Variants in TTC38 observed in about 807,000 individuals in gnomAD.
The protein encoded by TTC38 is tetratricopeptide repeat domain 38.
TTC38 carries 64 observed loss-of-function variants against 64.2 expected under a neutral mutation model. That is an observed-to-expected ratio of 1.00 (90% confidence interval 0.81 to 1.23). The LOEUF is 1.23. Among genes scored for constraint, TTC38 ranks in the 50% most tolerant of loss-of-function variants. The pLI is 0.00. For missense variants in TTC38, 573 were observed against 615.5 expected, an observed-to-expected ratio of 0.93 and a Z score of 0.73; for synonymous variants, 254 against 249.3, an observed-to-expected ratio of 1.02 and a Z score of -0.18.
chr22:46,277,681 G>A (rs1169260928), intron 5 of TTC38, among the ~76,000 whole-genome samples: 1 of 152,122 alleles, frequency 6.6e-6, no homozygotes, highest in Admixed American at 6.5e-5. Flanking sequence ...AGCCCATCCT[G>A]GGCTGGGCCT....
In TTC38 at chr22:46,293,842, A is replaced by T. The variant is rs2077634590; in HGVS notation, c.*958A>T. 6.6e-6 allele frequency: 1 copy of T among 152,222 alleles called. No individual in the cohort carries two copies. Among genetic ancestry groups the T allele is most frequent in the Non-Finnish European group, 1.5e-5 (1 of 68,052 alleles). 9.4% of individuals were successfully genotyped at this position (152,222 alleles called of 1,614,324 possible). A position where few individuals can be genotyped will look rare whatever the true frequency, so the allele number is the denominator to read the frequency against. On this transcript the variant is annotated 3_prime_UTR_variant, in exon 14 of 14. Transcript: ENST00000381031. This position sits in a 1 kb window ranked among gnomAD's most constrained non-coding sequence, Gnocchi z 6.6. ...TGTGAGGGGCGGTCCCAGTGCACAG[A>T]TGTTTTTCAAGTTCCTCAGTTTGTA...
chr22:46,284,152 C>T, intron 8 of TTC38, 120 bp downstream of exon 8: 2 of 827,206 alleles, frequency 2.4e-6, no homozygotes, highest in Non-Finnish European at 3.9e-6. Flanking sequence ...GGAGCATTAA[C>T]ATTTCCAAAG....
At position 46,276,759 on chromosome 22, in the gene TTC38, A is replaced by AAAAATATATATTT. The variant is rs992763420; in HGVS notation, c.539+1350_539+1351insTAAAATATATATT. Among the ~76,000 whole-genome samples the AAAAATATATATTT allele has an allele frequency of 6.9e-6, 1 of 145,168 alleles. No homozygotes were observed. Among genetic ancestry groups the AAAAATATATATTT allele is most frequent in the African/African-American group, 2.5e-5 (1 of 39,682 alleles). On this transcript the variant is annotated intron_variant, in intron 5 of 13. Transcript: ENST00000381031. This position sits in a 1 kb window ranked among gnomAD's most constrained non-coding sequence, Gnocchi z 4.7. Reference sequence around the variant, plus strand: ...AAAATATATATAAAATACATATATTAAAAATATATATTAAATATATATTAA... The same window carrying AAAAATATATATTT: ...AAAATATATATAAAATACATATATTAAAAATATATATTTAAAATATATATTAAATATATATTAA...
chr22:46,272,543 G>T lies in TTC38; in HGVS notation c.193+127G>T, dbSNP rs1242111150. 1.4e-5 allele frequency: 10 copies of T among 704,840 alleles called. No homozygotes were observed. The highest frequency in any genetic ancestry group is 2.0e-5 in the Non-Finnish European group (8 of 403,342). The allele number at this position is 704,840 out of a possible 1,614,324, so 43.7% of individuals were successfully genotyped here. On this transcript the variant is annotated intron_variant, in intron 3 of 13. Transcript: ENST00000381031. This position sits in a 1 kb window ranked among gnomAD's most constrained non-coding sequence, Gnocchi z 6.4. The stretch of plus-strand genomic sequence containing the variant: ...GGTGGCAGCAACCAGGGTGGCATTT[G>T]CACAGAGGGAGAGAAGATGACAGCT...
intron 11 of TTC38, 29 bp from the exon 12 acceptor site, chr22:46,289,373 C>A: frequency 6.3e-7 from 1 of 1,599,832 alleles, no homozygotes; most frequent in Non-Finnish European, 8.5e-7. Context: ...GATGGGCAGG[C>A]AGCTGAGGGC....
intron 10 of TTC38, among the ~76,000 whole-genome samples, chr22:46,287,592 G>A (rs1339674969): frequency 6.6e-6 from 1 of 152,240 alleles, no homozygotes; most frequent in Non-Finnish European, 1.5e-5. Flanking sequence ...CAGGTAGCCT[G>A]GAGGGACCAA....
chr22:46,268,741 G>A (rs9627360), intron 2 of TTC38, 150 bp downstream of exon 2: 47,366 of 727,430 alleles, frequency 0.065, 5,277 homozygotes, highest in African/African-American at 0.4. Flanking sequence ...CTGGAGTGCA[G>A]TGGCGCTATT....
At position 46,281,480 on chromosome 22, in the gene TTC38, C is replaced by A. The variant is rs989235037; in HGVS notation, c.616-119C>A. The A allele has an allele frequency of 8.0e-6, 9 of 1,120,562 alleles. No individual in the cohort carries two copies. In the South Asian group the frequency reaches 8.4e-5, roughly 10 times the overall value. 69.4% of individuals were successfully genotyped at this position (1,120,562 alleles called of 1,614,324 possible). Reference sequence around the variant, plus strand: ...GTTTTGAGTCAGAGCCCCGCCCCCCCACTTGCTCCACCCCGTTCAGCCCAG... The same window carrying A: ...GTTTTGAGTCAGAGCCCCGCCCCCCAACTTGCTCCACCCCGTTCAGCCCAG... On this transcript the variant is annotated intron_variant, in intron 6 of 13. Transcript: ENST00000381031. This position sits in a 1 kb window ranked among gnomAD's most constrained non-coding sequence, Gnocchi z 5.2.
rs767278372 is a variant in TTC38 at position 46,268,014 on chromosome 22, C to A, written c.-26C>A. ...CAGGAAGGCCCGGGTGCCCAGAGCT[C>A]GCGGTGGACTCCGACCCGGCGCAAC... is the stretch of plus-strand genomic sequence containing the variant. On this transcript the variant is annotated 5_prime_UTR_variant, in exon 1 of 14. Coordinates refer to ENST00000381031, the MANE Select transcript of TTC38 (RefSeq NM_017931.4). 5.9e-6 allele frequency: 9 copies of A among 1,528,908 alleles called. No individual in the cohort carries two copies. The East Asian group carries it at 2.0e-4, about 34-fold the overall frequency. The allele number at this position is 1,528,908 out of a possible 1,614,324, so 94.7% of individuals were successfully genotyped here. A position where few individuals can be genotyped will look rare whatever the true frequency, so the allele number is the denominator to read the frequency against.
In TTC38 at chr22:46,276,811, A is replaced by ATATATATTAAAT. The variant is rs1413363980; in HGVS notation, c.539+1390_539+1391insTATATATTAAAT. ...ATATATATTAAAAATTATATATTAA[A>ATATATATTAAAT]ATATATATATTAAATATATATATAT... is the stretch of plus-strand genomic sequence containing the variant. On this transcript the variant is annotated intron_variant, in intron 5 of 13. Coordinates refer to ENST00000381031, the MANE Select transcript of TTC38 (RefSeq NM_017931.4). The surrounding 1 kb of genome is among the most constrained non-coding windows in gnomAD (Gnocchi z 4.7). Among the ~76,000 whole-genome samples the ATATATATTAAAT allele has an allele frequency of 2.2e-5, 3 of 138,182 alleles. No individual in the cohort carries two copies. The highest frequency in any genetic ancestry group is 7.2e-5 in the Admixed American group (1 of 13,958). 90.7% of individuals were successfully genotyped at this position (138,182 alleles called of 152,430 possible). A position where few individuals can be genotyped will look rare whatever the true frequency, so the allele number is the denominator to read the frequency against.
Position 46,274,826 on chromosome 22 carries a change from A to G in TTC38, c.366-422A>G, listed in dbSNP as rs1196798030. ...GATTCACAACCTAACATAGAAAGTG[A>G]TTTTTTTACATTTATTTATTTAGAG... is the stretch of plus-strand genomic sequence containing the variant. On this transcript the variant is annotated intron_variant, in intron 4 of 13. Coordinates refer to ENST00000381031, the MANE Select transcript of TTC38 (RefSeq NM_017931.4). This position sits in a 1 kb window ranked among gnomAD's most constrained non-coding sequence, Gnocchi z 4.8. Among the ~76,000 whole-genome samples the G allele has an allele frequency of 6.6e-6, 1 of 151,518 alleles. No homozygotes were observed. Among genetic ancestry groups the G allele is most frequent in the Non-Finnish European group, 1.5e-5 (1 of 67,912 alleles).
chr22:46,281,865 T>A lies in TTC38; in HGVS notation c.735+147T>A. On this transcript the variant is annotated intron_variant, in intron 7 of 13. Transcript: ENST00000381031. This position sits in a 1 kb window ranked among gnomAD's most constrained non-coding sequence, Gnocchi z 5.2. ...TCCACCTGCACCTGCCTCAGGTGTT[T>A]GGCTGCTGAGCAGAATGCAATCAAG... is the stretch of plus-strand genomic sequence containing the variant. 9.2e-7 allele frequency: 1 copy of A among 1,088,162 alleles called. No homozygotes were observed. The highest frequency in any genetic ancestry group is 1.4e-6 in the Non-Finnish European group (1 of 735,022). 67.4% of individuals were successfully genotyped at this position (1,088,162 alleles called of 1,614,324 possible). A position where few individuals can be genotyped will look rare whatever the true frequency, so the allele number is the denominator to read the frequency against.
At position 46,274,161 on chromosome 22, in the gene TTC38, GC is replaced by G; in HGVS notation, c.365+93del. On this transcript the variant is annotated intron_variant, in intron 4 of 13. Transcript: ENST00000381031. This position sits in a 1 kb window ranked among gnomAD's most constrained non-coding sequence, Gnocchi z 4.8. ...CTTTCCTGATGCCCTTGGGACGGGG[GC>G]GGGGTGGGAGAATGCTTCTCTCCCT... The G allele has an allele frequency of 1.1e-6, 1 of 941,362 alleles. No homozygotes were observed. The highest frequency in any genetic ancestry group is 1.6e-6 in the Non-Finnish European group (1 of 628,760). 58.3% of individuals were successfully genotyped at this position (941,362 alleles called of 1,614,324 possible).
chr22:46,283,133 T>C (rs2147796339), intron 7 of TTC38, among the ~76,000 whole-genome samples: 1 of 152,164 alleles, frequency 6.6e-6, no homozygotes, highest in Middle Eastern at 3.4e-3. Context: ...ACAGGGTCTC[T>C]TCCCTATGTT....
At chr22:46,288,801 G>T (rs1452466350) in intron 11 of TTC38, among the ~76,000 whole-genome samples, 1 of 152,204 alleles carries the variant, frequency 6.6e-6, no homozygotes, top group Non-Finnish European at 1.5e-5. Context: ...CTGTACAACT[G>T]GTTGCCCCAA....
At position 46,274,130 on chromosome 22, in the gene TTC38, G is replaced by T. The variant is rs535816335; in HGVS notation, c.365+61G>T. The T allele has an allele frequency of 6.0e-6, 8 of 1,341,504 alleles. No homozygotes were observed. The highest frequency in any genetic ancestry group is 2.4e-5 in the South Asian group (2 of 82,378). 83.1% of individuals were successfully genotyped at this position (1,341,504 alleles called of 1,614,324 possible). On this transcript the variant is annotated intron_variant, in intron 4 of 13. Coordinates refer to ENST00000381031, the MANE Select transcript of TTC38 (RefSeq NM_017931.4). The surrounding 1 kb of genome is among the most constrained non-coding windows in gnomAD (Gnocchi z 4.8). ...GAGGCTGAGCTGGGGGAGTGGCAGG[G>T]TATCCCTTTCCTGATGCCCTTGGGA...
chr22:46,278,122 G>A (rs140646661), intron 5 of TTC38, among the ~76,000 whole-genome samples: 1 of 152,370 alleles, frequency 6.6e-6, no homozygotes, highest in East Asian at 1.9e-4. Flanking sequence ...GTCTCCTGCG[G>A]TTGCTGTAGC....
Position 46,281,526 on chromosome 22 carries a change from A to G in TTC38, c.616-73A>G. The G allele has an allele frequency of 2.6e-6, 4 of 1,567,058 alleles. No homozygotes were observed. The highest frequency in any genetic ancestry group is 3.5e-6 in the Non-Finnish European group (4 of 1,150,766). ...CCCAGGCCCCTCTTGCCCCTTAGAG[A>G]CCTGCCGTCGCCTGCCCCGGCAGCC... On this transcript the variant is annotated intron_variant, in intron 6 of 13. Transcript: ENST00000381031. This position sits in a 1 kb window ranked among gnomAD's most constrained non-coding sequence, Gnocchi z 5.2.
Position 46,274,729 on chromosome 22 carries a change from A to G in TTC38, c.366-519A>G, listed in dbSNP as rs1936970018. 2.1e-5 allele frequency among the ~76,000 whole-genome samples: 3 copies of G among 145,430 alleles called. No individual in the cohort carries two copies. The highest frequency in any genetic ancestry group is 2.0e-4 in the Admixed American group (3 of 15,000). ...CTGGGATTATCTTTGGCAATTTGTT[A>G]AACCAGTTTTTTTTTTTTTTTAAAT... On this transcript the variant is annotated intron_variant, in intron 4 of 13. Coordinates refer to ENST00000381031, the MANE Select transcript of TTC38 (RefSeq NM_017931.4). This position sits in a 1 kb window ranked among gnomAD's most constrained non-coding sequence, Gnocchi z 4.8.
Sources: allele counts gnomAD v4.1 joint callset (sites outside exome capture counted in the v4.1 genomes callset), GRCh38; gene constraint gnomAD v4.1.1; non-coding constraint Gnocchi (gnomAD v3.1); transcripts MANE v1.5; gene names NCBI Gene and HGNC (gene_info 2026-07-23, HGNC 2026-07-21).